Variants in EWSR1 observed in about 807,000 individuals in gnomAD.
EWSR1 encodes the protein RNA-binding protein EWS.
Under a neutral mutation model 92.1 loss-of-function variants are expected in EWSR1, and 14 were observed. The ratio of observed to expected loss-of-function variants is 0.15; its 90% confidence interval spans 0.10 to 0.24. EWSR1 has a LOEUF of 0.24. Ranked by LOEUF, EWSR1 falls within the 10% of genes least tolerant of loss-of-function variation. The probability of loss-of-function intolerance (pLI) is 1.00; values close to 1 mark genes in which losing one functional copy is unlikely to be tolerated. For synonymous variants in EWSR1, 303 were observed against 292.9 expected (o/e 1.03, Z -0.35); for missense variants, 637 against 870.9 (o/e 0.73, Z 3.38).
At chr22:29,277,042 T>C (rs1048088469) in intron 4 of EWSR1, 5 of 230,570 alleles carry the variant, frequency 2.2e-5, no homozygotes, top group Admixed American at 1.1e-4. Flanking sequence ...CTGCAGACTT[T>C]CGTGGTTTTG....
At chr22:29,298,460 TCG>T (rs2061047888) in intron 13 of EWSR1, among the ~76,000 whole-genome samples, 1 of 148,774 alleles carries the variant, frequency 6.7e-6, no homozygotes, top group African/African-American at 2.5e-5. Flanking sequence ...TGAGCAAAGA[TCG>T]TGCCACTGCA....
chr22:29,299,773 C>T lies in EWSR1; in HGVS notation c.1853C>T (p.Pro618Leu), dbSNP rs977313248. The change falls in exon 16 of 17, where the codon CCT becomes CTT. Residue 618 changes from proline to leucine, a missense_variant. Physicochemically the swap from Pro to Leu is moderately conservative, Grantham distance 98. Coordinates refer to ENST00000397938, the MANE Select transcript of EWSR1 (RefSeq NM_005243.4). ...TTTGGTGGAGGAAGACGAGGTGGCC[C>T]TGGGGGGCCCCCTGGACCTTTGATG... is the stretch of plus-strand genomic sequence containing the variant. ...GGFGGGRRGG[P>L]GGPPGPLMEQ... 1 of 1,603,192 alleles carries T rather than the reference C, an allele frequency of 6.2e-7. No homozygotes were observed. The highest frequency in any genetic ancestry group is 1.7e-5 in the Admixed American group (1 of 58,910).
Position 29,287,070 on chromosome 22 carries a change from A to T in EWSR1, c.729A>T (p.Gln243His). 1.9e-6 allele frequency: 3 copies of T among 1,613,950 alleles called. No homozygotes were observed. Among genetic ancestry groups the T allele is most frequent in the Non-Finnish European group, 1.7e-6 (2 of 1,179,908 alleles). Reference protein sequence around the residue: ...GQQPPTSYPPQTGSYSQAPSQ... With the variant: ...GQQPPTSYPPHTGSYSQAPSQ... ...AGCCTCCCACTAGTTACCCACCCCA[A>T]ACTGGATCCTACAGCCAAGCTCCAA... is the stretch of plus-strand genomic sequence containing the variant. Residue 243 changes from glutamine (Q) to histidine (H), a missense_variant, in exon 7 of 17, where the codon CAA becomes CAT. Coordinates refer to ENST00000397938, the MANE Select transcript of EWSR1 (RefSeq NM_005243.4).
chr22:29,272,310 G>A, intron 2 of EWSR1, 58 bp downstream of exon 2: 3 of 1,610,396 alleles, frequency 1.9e-6, no homozygotes, highest in African/African-American at 1.3e-5. Flanking sequence ...TGAATATGGA[G>A]CCTTCTATAA....
rs560088953 is a variant in EWSR1 at position 29,272,056 on chromosome 22, G to A, written c.14-160G>A. On this transcript the variant is annotated intron_variant, in intron 1 of 16. Transcript: ENST00000397938. ...TTAACTGGTTTAGACTTTTTTTTCTGTTAGATGTTGAGAGGTAAGGGGGAC... is the reference window on the plus strand; with the variant it reads ...TTAACTGGTTTAGACTTTTTTTTCTATTAGATGTTGAGAGGTAAGGGGGAC... Among the ~76,000 whole-genome samples the A allele has an allele frequency of 1.2e-4, 19 of 152,078 alleles. No individual in the cohort carries two copies. In the South Asian group the frequency reaches 3.1e-3, roughly 25 times the overall value.
At chr22:29,273,529 C>T (rs992728093) in intron 3 of EWSR1, among the ~76,000 whole-genome samples, 3 of 152,174 alleles carry the variant, frequency 2.0e-5, no homozygotes, top group Admixed American at 6.5e-5. Flanking sequence ...GAGCTTTTTC[C>T]GTAGCTAACT....
intron 1 of EWSR1, among the ~76,000 whole-genome samples, chr22:29,270,129 T>C (rs547221492): frequency 6.6e-6 from 1 of 152,346 alleles, no homozygotes; most frequent in East Asian, 1.9e-4. Context: ...TCAGCTCAGG[T>C]ACTGTGAAGC....
chr22:29,291,221 C>G (rs2060418471), intron 8 of EWSR1: 1 of 301,426 alleles, frequency 3.3e-6, no homozygotes, highest in African/African-American at 2.1e-5. Context: ...CCCCCACTTG[C>G]TCCTCCCCTC....
intron 8 of EWSR1, chr22:29,290,292 A>G: frequency 1.1e-6 from 1 of 898,120 alleles, no homozygotes; most frequent in Non-Finnish European, 1.7e-6. Flanking sequence ...AGTGTCTTGT[A>G]CAGGTAAGGC....
rs756570103 is a variant in EWSR1 at position 29,298,907 on chromosome 22, T to G, written c.1580+12T>G. 1.3e-6 allele frequency: 2 copies of G among 1,531,860 alleles called. No homozygotes were observed. The highest frequency in any genetic ancestry group is 1.4e-5 in the African/African-American group (1 of 71,968). 94.9% of individuals were successfully genotyped at this position (1,531,860 alleles called of 1,614,324 possible). A position where few individuals can be genotyped will look rare whatever the true frequency, so the allele number is the denominator to read the frequency against. ...CAGTGTCCCAATCCGTATGTACTTG[T>G]CTTGGCAAATTGATACCCTACGAGT... On this transcript the variant is annotated intron_variant, in intron 14 of 16. Coordinates refer to ENST00000397938, the MANE Select transcript of EWSR1 (RefSeq NM_005243.4).
intron 5 of EWSR1, among the ~76,000 whole-genome samples, chr22:29,278,751 A>C (rs2059323183): frequency 6.6e-6 from 1 of 151,408 alleles, no homozygotes; most frequent in South Asian, 2.1e-4. Context: ...CATGAACCCG[A>C]GAGGCGGAGC....
Position 29,272,506 on chromosome 22 carries a change from T to C in EWSR1, c.102+75T>C, listed in dbSNP as rs867467747. On this transcript the variant is annotated intron_variant, in intron 3 of 16. Transcript: ENST00000397938. Reference sequence around the variant, plus strand: ...ATATTATCCAGTTATCTTTCAGTTATCCAGTAAAACAAATGAGTAATGTGT... The same window carrying C: ...ATATTATCCAGTTATCTTTCAGTTACCCAGTAAAACAAATGAGTAATGTGT... 57 of 1,446,064 alleles carry C rather than the reference T, an allele frequency of 3.9e-5. No individual in the cohort carries two copies. The Middle Eastern group carries it at 1.2e-3, about 31-fold the overall frequency. The allele number at this position is 1,446,064 out of a possible 1,614,324, so 89.6% of individuals were successfully genotyped here.
At chr22:29,282,666 G>A (rs192333557) in intron 6 of EWSR1, 109 bp downstream of exon 6, 28 of 870,524 alleles carry the variant, frequency 3.2e-5, no homozygotes, top group East Asian at 1.5e-4. Flanking sequence ...TCTGACTGTC[G>A]CAGTGATAAG....
intron 5 of EWSR1, among the ~76,000 whole-genome samples, chr22:29,279,996 T>G (rs1421495255): frequency 6.6e-6 from 1 of 152,232 alleles, no homozygotes; most frequent in Non-Finnish European, 1.5e-5. Flanking sequence ...TGGCAACTGC[T>G]TTTTCGACTG....
chr22:29,281,375 C>T (rs1273438006), intron 5 of EWSR1, among the ~76,000 whole-genome samples: 1 of 132,896 alleles, frequency 7.5e-6, no homozygotes, highest in Non-Finnish European at 1.6e-5. Context: ...GATCTAACAG[C>T]TCACTGCAGC....
intron 4 of EWSR1, chr22:29,275,502 A>T (rs1223242883): frequency 9.1e-6 from 2 of 219,922 alleles, no homozygotes; most frequent in East Asian, 1.3e-4. Context: ...CACAGTTTAT[A>T]GAGTGGCCTT....
chr22:29,272,273 C>T (rs1211550033), intron 2 of EWSR1, 21 bp downstream of exon 2: 16 of 1,613,658 alleles, frequency 9.9e-6, no homozygotes, highest in Non-Finnish European at 1.2e-5. Context: ...CTTTTATAAC[C>T]GTATTTTGTG....
Position 29,299,672 on chromosome 22 carries a change from C to T in EWSR1, c.1752C>T (p.Pro584=), listed in dbSNP as rs148438243. The change falls in exon 16 of 17, where the codon CCC becomes CCT. Residue 584 remains proline, a synonymous_variant. Coordinates refer to ENST00000397938, the MANE Select transcript of EWSR1 (RefSeq NM_005243.4). ...GTGGCCTCATGGATCGTGGTGGTCC[C>T]GGTGGAATGTTCAGAGGTGGCCGTG... The part of the protein sequence containing the change: ...GRGGLMDRGG[P]GGMFRGGRGG... The T allele has an allele frequency of 5.0e-5, 80 of 1,611,832 alleles. No individual in the cohort carries two copies. Among genetic ancestry groups the T allele is most frequent in the South Asian group, 1.4e-4 (13 of 90,894 alleles).
chr22:29,291,768 G>T (rs184373943), intron 9 of EWSR1, 169 bp downstream of exon 9: 177 of 629,252 alleles, frequency 2.8e-4, no homozygotes, highest in African/African-American at 2.7e-3. Context: ...TTAACCTATG[G>T]TTACAAAACA....
Sources: gnomAD v4.1 joint callset for allele counts (sites outside exome capture counted in the v4.1 genomes callset) on GRCh38, gnomAD v4.1.1 for gene constraint, MANE v1.5 for transcripts, NCBI Gene and HGNC (gene_info 2026-07-23, HGNC 2026-07-21) for gene names.